Variants in USP53 observed in about 807,000 individuals in gnomAD.
The protein encoded by USP53 is ubiquitin specific peptidase 53.
In USP53, 71 loss-of-function variants were observed where a neutral mutation model predicts 94.9. The observed-to-expected ratio is 0.75, with a 90% CI of 0.62 to 0.91. USP53 has a LOEUF of 0.91. USP53 is among the 40% of genes least tolerant of loss of function. USP53 has a pLI of 0.00. For synonymous variants in USP53, 375 were observed against 422.7 expected, an observed-to-expected ratio of 0.89 and a Z score of 1.39; for missense variants, 1,173 against 1,281.0, an observed-to-expected ratio of 0.92 and a Z score of 1.29.
intron 3 of USP53, among the ~76,000 whole-genome samples, chr4:119,231,079 T>C (rs546586047): frequency 1.5e-4 from 23 of 152,212 alleles, no homozygotes; most frequent in African/African-American, 4.8e-4. Context: ...TTATATAAAG[T>C]AGATATCTGG....
At chr4:119,246,299 A>C (rs2149343394) in intron 6 of USP53, among the ~76,000 whole-genome samples, 1 of 152,278 alleles carries the variant, frequency 6.6e-6, no homozygotes, top group South Asian at 2.1e-4. Flanking sequence ...AAGGTGATAT[A>C]ACTCTCACCC....
rs1754914541 is a variant in USP53, at chr4:119,292,827, C to T, written c.2838C>T (p.Val946=). The change falls in exon 19 of 19, where the codon GTC becomes GTT. Residue 946 remains valine, a synonymous_variant. Coordinates refer to ENST00000692078, the MANE Select transcript of USP53 (RefSeq NM_001371395.1). ...QSEKSESTPD[V]KLTEVFKATS... ...AGAAAAGCGAATCTACACCTGATGT[C>T]AAACTTACAGAGGTGTTTAAAGCTA... is the stretch of plus-strand genomic sequence containing the variant. 1 of 1,614,108 alleles carries T rather than the reference C, an allele frequency of 6.2e-7. No homozygotes were observed. The highest frequency in any genetic ancestry group is 2.2e-5 in the East Asian group (1 of 44,882).
At chr4:119,225,901 T>C (rs1745186376) in intron 3 of USP53, among the ~76,000 whole-genome samples, 1 of 152,226 alleles carries the variant, frequency 6.6e-6, no homozygotes, top group African/African-American at 2.4e-5. Context: ...AAGAATAGGT[T>C]TTGATAAATT....
intron 17 of USP53, among the ~76,000 whole-genome samples, chr4:119,289,534 A>C (rs1344613190): frequency 6.6e-6 from 1 of 152,250 alleles, no homozygotes; most frequent in Non-Finnish European, 1.5e-5. Flanking sequence ...GACTTGGTAC[A>C]TATTGGGTAT....
At chr4:119,264,605 T>C (rs777960127) in intron 12 of USP53, among the ~76,000 whole-genome samples, 2 of 152,152 alleles carry the variant, frequency 1.3e-5, no homozygotes, top group Non-Finnish European at 2.9e-5. Flanking sequence ...TTAGCCACAA[T>C]GGAAATACAA....
chr4:119,242,454 G>T (rs1002075778), intron 5 of USP53, among the ~76,000 whole-genome samples: 19 of 152,248 alleles, frequency 1.2e-4, no homozygotes, highest in African/African-American at 4.6e-4. Flanking sequence ...TACTTTGGCT[G>T]CAGGAATAGG....
intron 5 of USP53, among the ~76,000 whole-genome samples, chr4:119,242,362 A>C (rs542345944): frequency 6.6e-6 from 1 of 152,320 alleles, no homozygotes; most frequent in Admixed American, 6.5e-5. Context: ...TAGGCGGGAC[A>C]GAGCTATGCT....
chr4:119,269,440 T>C (rs1751574881), intron 14 of USP53, among the ~76,000 whole-genome samples: 1 of 152,220 alleles, frequency 6.6e-6, no homozygotes, highest in South Asian at 2.1e-4. Flanking sequence ...ATTATTTTAA[T>C]GGCAGATCTC....
In USP53 at chr4:119,248,812, C is replaced by T; in HGVS notation, c.302C>T (p.Ala101Val). The T allele has an allele frequency of 6.2e-7, 1 of 1,614,076 alleles. No individual in the cohort carries two copies. Among genetic ancestry groups the T allele is most frequent in the Non-Finnish European group, 8.5e-7 (1 of 1,180,022 alleles). The change falls in exon 7 of 19, where the codon GCT (alanine) becomes GTT (valine). Residue 101 changes from alanine to valine, a missense_variant. Physicochemically the swap from Ala to Val is moderately conservative, Grantham distance 64. Transcript: ENST00000692078. ...CTTCCCTCAGATAACATAAGGCATG[C>T]TCTTGCAGAAAGTTTCAAAGATGAG... Reference protein sequence around the residue: ...KALPSDNIRHALAESFKDEQR... With the variant: ...KALPSDNIRHVLAESFKDEQR...
intron 17 of USP53, among the ~76,000 whole-genome samples, chr4:119,280,021 AC>A (rs1753305948): frequency 1.3e-5 from 2 of 152,058 alleles, no homozygotes; most frequent in South Asian, 4.2e-4. Context: ...AGTGAGATGA[AC>A]CCGGTACCTC....
intron 17 of USP53, among the ~76,000 whole-genome samples, chr4:119,280,473 T>G (rs1578562887): frequency 6.6e-6 from 1 of 152,264 alleles, no homozygotes; most frequent in Non-Finnish European, 1.5e-5. Context: ...TCTGACTTTA[T>G]TTACCTCCTA....
chr4:119,287,695 G>A (rs776448948), intron 17 of USP53, among the ~76,000 whole-genome samples: 3 of 152,116 alleles, frequency 2.0e-5, no homozygotes, highest in Non-Finnish European at 4.4e-5. Context: ...AAGTGTAGAC[G>A]ATTAATTGAC....
At position 119,280,194 on chromosome 4, in the gene USP53, C is replaced by T. The variant is rs573327376; in HGVS notation, c.2251+6486C>T. 4.0e-5 allele frequency among the ~76,000 whole-genome samples: 6 copies of T among 151,090 alleles called. No homozygotes were observed. In the East Asian group the frequency reaches 1.2e-3, roughly 29 times the overall value. On this transcript the variant is annotated intron_variant, in intron 17 of 18. Transcript: ENST00000692078. ...ATTAAAGATAGCATTAGATTGCTTC[C>T]TTTTTTGATTTAGATGATGAAGTCT...
intron 10 of USP53, 109 bp from the exon 11 acceptor site, chr4:119,260,398 T>C: frequency 1.2e-6 from 1 of 866,782 alleles, no homozygotes; most frequent in Non-Finnish European, 1.6e-6. Flanking sequence ...TTTAGTATAC[T>C]GAATAAATTG....
At chr4:119,290,116 T>C (rs1754575017) in intron 17 of USP53, among the ~76,000 whole-genome samples, 1 of 152,172 alleles carries the variant, frequency 6.6e-6, no homozygotes, top group African/African-American at 2.4e-5. Flanking sequence ...TCTCCTAGAA[T>C]CGTTGTTCAG....
chr4:119,267,355 C>T lies in USP53; in HGVS notation c.1008C>T (p.Cys336=). The change falls in exon 13 of 19, where the codon TGC becomes TGT. Residue 336 remains cysteine, a synonymous_variant. Coordinates refer to ENST00000692078, the MANE Select transcript of USP53 (RefSeq NM_001371395.1). The part of the protein sequence containing the change: ...GTRWKDVVSK[C]IRCHFQPLLL... ...GATGGAAAGATGTTGTCTCCAAATG[C>T]ATTCGATGCCACTTTCAGCCACTAC... is the stretch of plus-strand genomic sequence containing the variant. 1.9e-6 allele frequency: 3 copies of T among 1,613,924 alleles called. No homozygotes were observed. Among genetic ancestry groups the T allele is most frequent in the Non-Finnish European group, 2.5e-6 (3 of 1,179,944 alleles).
At chr4:119,267,563 G>A (rs1480709349) in intron 13 of USP53, 81 bp downstream of exon 13, 19 of 1,356,476 alleles carry the variant, frequency 1.4e-5, no homozygotes, top group Non-Finnish European at 1.9e-5. Flanking sequence ...AATATAAAAT[G>A]AATATAGAGG....
rs1215766730 is a variant in USP53 at position 119,236,651 on chromosome 4, C to T, written c.-543+1240C>T. ...CAAGAAACCACTTTCTTTGCTCAGC[C>T]GTAAGAAGCAATTCCCCTGTTCAAG... On this transcript the variant is annotated intron_variant, in intron 4 of 18. Coordinates refer to ENST00000692078, the MANE Select transcript of USP53 (RefSeq NM_001371395.1). Among the ~76,000 whole-genome samples the T allele has an allele frequency of 4.6e-5, 7 of 152,290 alleles. 1 individual carries two copies. The South Asian group carries it at 1.2e-3, about 27-fold the overall frequency.
At chr4:119,259,221 C>T (rs1187031049) in intron 9 of USP53, among the ~76,000 whole-genome samples, 1 of 140,248 alleles carries the variant, frequency 7.1e-6, no homozygotes, top group African/African-American at 2.7e-5. Flanking sequence ...GTGGAGGTTG[C>T]GGTGAGCCAA....
Sources: gnomAD v4.1 joint callset for allele counts (sites outside exome capture counted in the v4.1 genomes callset) on GRCh38, gnomAD v4.1.1 for gene constraint, MANE v1.5 for transcripts, NCBI Gene and HGNC (gene_info 2026-07-23, HGNC 2026-07-21) for gene names.